Variants in CASD1 observed in about 807,000 individuals in gnomAD.
CASD1 encodes N-acetylneuraminate (7)9-O-acetyltransferase.
In CASD1, 41 loss-of-function variants were observed where a neutral mutation model predicts 100.0. The observed-to-expected ratio is 0.41, with a 90% CI of 0.32 to 0.53. CASD1 has a LOEUF of 0.53. Ranked by LOEUF, CASD1 falls within the 20% of genes least tolerant of loss-of-function variation. The pLI is 0.25. For synonymous variants in CASD1, 321 were observed against 315.6 expected (o/e 1.02, Z -0.18); for missense variants, 774 against 948.7 (o/e 0.82, Z 2.42).
At chr7:94,575,046 T>G in the CASD1 span, among the ~76,000 whole-genome samples, 1 of 152,176 alleles carries the variant, frequency 6.6e-6, no homozygotes, top group Non-Finnish European at 1.5e-5. Flanking sequence ...CTCAGTCTCC[T>G]TCAGTTCAGC....
the CASD1 span, among the ~76,000 whole-genome samples, chr7:94,580,606 C>T: frequency 3.3e-5 from 5 of 152,190 alleles, no homozygotes; most frequent in Non-Finnish European, 7.3e-5. Context: ...AGCACCATCA[C>T]AAGTTCAGTT....
In CASD1 at chr7:94,535,529, A is replaced by G. The variant is rs996085615; in HGVS notation, c.843+6A>G. ...CTGAATCGAGCAGAGAAACTGTGAGAAATTTTTACATATGTCAGTAGATGG... is the reference window on the plus strand; with the variant it reads ...CTGAATCGAGCAGAGAAACTGTGAGGAATTTTTACATATGTCAGTAGATGG... On this transcript the variant is annotated splice_donor_region_variant and intron_variant, in intron 8 of 17. Coordinates refer to ENST00000297273, the MANE Select transcript of CASD1 (RefSeq NM_022900.5). 5 of 1,593,008 alleles carry G rather than the reference A, an allele frequency of 3.1e-6. No individual in the cohort carries two copies. Among genetic ancestry groups the G allele is most frequent in the Non-Finnish European group, 4.3e-6 (5 of 1,161,402 alleles).
chr7:94,558,844 G>C (rs575522642), downstream of CASD1, among the ~76,000 whole-genome samples: 1 of 152,032 alleles, frequency 6.6e-6, no homozygotes, highest in African/African-American at 2.4e-5. Context: ...CTGTCACCTA[G>C]GCTGGAGTGC....
chr7:94,599,123 CACAT>C, the CASD1 span: 834 of 585,174 alleles, frequency 1.4e-3, 2 homozygotes, highest in Non-Finnish European at 2.0e-3. Context: ...GCATACATCT[CACAT>C]ACTTTTAATA....
chr7:94,587,861 C>A, the CASD1 span: 1 of 1,522,976 alleles, frequency 6.6e-7, no homozygotes, highest in Non-Finnish European at 8.8e-7. Flanking sequence ...TGAATGAAAA[C>A]ATCCAACACA....
At chr7:94,532,457 G>A (rs1302881566) in intron 5 of CASD1, among the ~76,000 whole-genome samples, 2 of 152,102 alleles carry the variant, frequency 1.3e-5, no homozygotes, top group South Asian at 2.1e-4. Context: ...CATATACAGC[G>A]TGATACCCTG....
the CASD1 span, chr7:94,623,503 AT>A: frequency 1.3e-6 from 1 of 750,022 alleles, no homozygotes; most frequent in African/African-American, 1.8e-5. Context: ...CATTTTCATT[AT>A]TTGTTGATAT....
chr7:94,594,925 C>G, the CASD1 span, among the ~76,000 whole-genome samples: 1 of 152,222 alleles, frequency 6.6e-6, no homozygotes, highest in East Asian at 1.9e-4. Context: ...TAGGCATGTG[C>G]TACATCTCCA....
At chr7:94,519,505 G>A (rs1468997864) in intron 3 of CASD1, among the ~76,000 whole-genome samples, 1 of 152,118 alleles carries the variant, frequency 6.6e-6, no homozygotes, top group Admixed American at 6.5e-5. Context: ...ATGTGAGAAT[G>A]AGAATAATGG....
At chr7:94,532,471 A>G (rs555488744) in intron 5 of CASD1, among the ~76,000 whole-genome samples, 18 of 152,186 alleles carry the variant, frequency 1.2e-4, no homozygotes, top group Non-Finnish European at 2.4e-4. Flanking sequence ...TACCCTGGAC[A>G]AAGGGAGGAT....
intron 3 of CASD1, among the ~76,000 whole-genome samples, chr7:94,522,882 C>T (rs376998223): frequency 2.0e-5 from 3 of 152,170 alleles, no homozygotes; most frequent in East Asian, 1.9e-4. Flanking sequence ...AGGATGGTCT[C>T]GATCTCCTGA....
the CASD1 span, chr7:94,620,331 A>G: frequency 4.6e-5 from 7 of 152,180 alleles, no homozygotes; most frequent in African/African-American, 1.7e-4. Flanking sequence ...CTAATCATAG[A>G]AAGTTCTTTG....
intron 1 of CASD1, among the ~76,000 whole-genome samples, chr7:94,512,623 C>T (rs1162479462): frequency 6.6e-6 from 1 of 152,204 alleles, no homozygotes; most frequent in Non-Finnish European, 1.5e-5. Flanking sequence ...AAAGGTTTTA[C>T]ATGTTTTAAC....
chr7:94,616,441 T>C, the CASD1 span, among the ~76,000 whole-genome samples: 1 of 152,220 alleles, frequency 6.6e-6, no homozygotes, highest in Non-Finnish European at 1.5e-5. Context: ...TGTATGAATA[T>C]ATTTTTAAAC....
At chr7:94,588,401 T>C in the CASD1 span, 3 of 1,202,562 alleles carry the variant, frequency 2.5e-6, no homozygotes, top group Admixed American at 3.8e-5. Flanking sequence ...AGGGGAAGAA[T>C]AGGGAACTTC....
chr7:94,522,055 G>A (rs902694020), intron 3 of CASD1, among the ~76,000 whole-genome samples: 2 of 152,182 alleles, frequency 1.3e-5, no homozygotes, highest in African/African-American at 4.8e-5. Context: ...CTGCACTCCA[G>A]CCTGGGCGAC....
the CASD1 span, chr7:94,629,685 G>A: frequency 2.7e-5 from 44 of 1,607,606 alleles, no homozygotes; most frequent in Non-Finnish European, 3.6e-5. Flanking sequence ...AATTTAGTAC[G>A]TTAACTGCTT....
the CASD1 span, chr7:94,587,446 G>C: frequency 3.5e-5 from 41 of 1,188,226 alleles, no homozygotes; most frequent in Non-Finnish European, 4.2e-5. Context: ...TAGGCGAGAT[G>C]GAAGCTACAA....
chr7:94,599,513 C>A, the CASD1 span: 1 of 584,424 alleles, frequency 1.7e-6, no homozygotes, highest in Non-Finnish European at 3.1e-6. Context: ...GTTTTCAAAC[C>A]CTTTTTAGTT....
Sources: gnomAD v4.1 joint callset for allele counts (sites outside exome capture counted in the v4.1 genomes callset) on GRCh38, gnomAD v4.1.1 for gene constraint, MANE v1.5 for transcripts, NCBI Gene and HGNC (gene_info 2026-07-23, HGNC 2026-07-21) for gene names.